TMEM156: variants seen among roughly 807,000 people sequenced by gnomAD.
The protein encoded by TMEM156 is transmembrane protein 156.
In TMEM156, 28 loss-of-function variants were observed where a neutral mutation model predicts 30.5. The observed-to-expected ratio is 0.92, with a 90% CI of 0.68 to 1.26. The LOEUF (loss-of-function observed/expected upper bound fraction) is 1.26, where lower values mean the gene tolerates loss of function less well. Among genes scored for constraint, TMEM156 ranks in the 50% most tolerant of loss-of-function variants. TMEM156 has a pLI of 0.00. For synonymous variants in TMEM156, 137 were observed against 119.9 expected, an observed-to-expected ratio of 1.14 and a Z score of -0.93; for missense variants, 351 against 340.6, an observed-to-expected ratio of 1.03 and a Z score of -0.24.
At chr4:39,016,497 G>A (rs969499194) in intron 1 of TMEM156, among the ~76,000 whole-genome samples, 6 of 151,582 alleles carry the variant, frequency 4.0e-5, no homozygotes, top group Non-Finnish European at 7.4e-5. Context: ...TTACTTTCTG[G>A]GTTTATCTTA....
At chr4:38,969,184 A>G (rs193075142) in intron 6 of TMEM156, among the ~76,000 whole-genome samples, 1 of 152,136 alleles carries the variant, frequency 6.6e-6, no homozygotes, top group East Asian at 1.9e-4. Context: ...GTACATTTGT[A>G]CCCTTTAACC....
rs1174268367 is a variant in TMEM156 at position 38,998,760 on chromosome 4, A to G, written c.238T>C (p.Phe80Leu). The G allele has an allele frequency of 6.2e-7, 1 of 1,613,778 alleles. No individual in the cohort carries two copies. The highest frequency in any genetic ancestry group is 1.7e-5 in the Admixed American group (1 of 59,972). Residue 80 changes from phenylalanine to leucine, a missense_variant, in exon 2 of 7, where the codon TTT becomes CTT. Phe to Leu is a conservative substitution (Grantham distance 22, BLOSUM62 0). Transcript: ENST00000381938. ...IMRIFLNPSN[F>L]RNFTRTCQDI... ...TGGCAAGTCCTGGTGAAGTTACGAA[A>G]ATTGGAGGGATTTAGAAAGATTCTC...
intron 2 of TMEM156, among the ~76,000 whole-genome samples, chr4:38,997,563 T>A (rs1341639676): frequency 6.6e-6 from 1 of 152,214 alleles, no homozygotes; most frequent in Non-Finnish European, 1.5e-5. Flanking sequence ...TATCTAGTGA[T>A]AAGGAGGCAA....
chr4:39,004,687 T>C (rs529563382), intron 1 of TMEM156, among the ~76,000 whole-genome samples: 1 of 152,282 alleles, frequency 6.6e-6, no homozygotes, highest in South Asian at 2.1e-4. Context: ...TACTATAATT[T>C]ATTTATTCAT....
intron 3 of TMEM156, among the ~76,000 whole-genome samples, chr4:38,990,837 T>TTTTTTGTTTTGTTTTG (rs1560365352): frequency 7.7e-6 from 1 of 129,180 alleles, no homozygotes; most frequent in Non-Finnish European, 1.7e-5. Context: ...CTGGTTTTTT[T>TTTTTTGTTTTGTTTTG]TTTTTTTTTT....
At chr4:38,984,102 G>A (rs1711779411) in intron 5 of TMEM156, among the ~76,000 whole-genome samples, 1 of 152,204 alleles carries the variant, frequency 6.6e-6, no homozygotes. Context: ...TCAAAGCAAG[G>A]AGGAAAATAT....
chr4:39,005,315 G>C (rs529220769), intron 1 of TMEM156, among the ~76,000 whole-genome samples: 1 of 152,126 alleles, frequency 6.6e-6, no homozygotes, highest in East Asian at 1.9e-4. Flanking sequence ...CTGGATCATG[G>C]GTTAGTTTCC....
At chr4:39,030,327 A>C (rs1470726089) in intron 1 of TMEM156, among the ~76,000 whole-genome samples, 1 of 152,190 alleles carries the variant, frequency 6.6e-6, no homozygotes, top group Non-Finnish European at 1.5e-5. Flanking sequence ...TTTGAAAGCA[A>C]GAGAACAAAC....
At chr4:38,988,097 GTCCTGAT>G in intron 4 of TMEM156, among the ~76,000 whole-genome samples, 1 of 152,210 alleles carries the variant, frequency 6.6e-6, no homozygotes, top group South Asian at 2.1e-4. Flanking sequence ...TGCTCCTACT[GTCCTGAT>G]TCCTAATTTC....
chr4:39,004,018 G>T lies in TMEM156; in HGVS notation c.89-5109C>A, dbSNP rs538475529. On this transcript the variant is annotated intron_variant, in intron 1 of 6. Transcript: ENST00000381938. Reference sequence around the variant, plus strand: ...AGCTTTAAATAATTGAATTGGAAAAGAAATAAATAGAAGACACATCCTTCC... The same window carrying T: ...AGCTTTAAATAATTGAATTGGAAAATAAATAAATAGAAGACACATCCTTCC... 1.4e-3 allele frequency among the ~76,000 whole-genome samples: 212 copies of T among 152,208 alleles called. 1 individual carries two copies. The highest frequency in any genetic ancestry group is 4.9e-3 in the African/African-American group (205 of 41,526).
chr4:39,022,870 C>T (rs747619955), intron 1 of TMEM156, among the ~76,000 whole-genome samples: 16 of 152,110 alleles, frequency 1.1e-4, no homozygotes, highest in Non-Finnish European at 1.9e-4. Flanking sequence ...GTTATTAATT[C>T]AGTATATTAA....
intron 1 of TMEM156, among the ~76,000 whole-genome samples, chr4:39,025,686 C>G (rs1324934700): frequency 6.6e-6 from 1 of 152,122 alleles, no homozygotes; most frequent in Non-Finnish European, 1.5e-5. Context: ...GCTCATTTTA[C>G]TTGTCAAAAT....
chr4:39,000,612 C>G (rs541523122), intron 1 of TMEM156, among the ~76,000 whole-genome samples: 3 of 152,100 alleles, frequency 2.0e-5, no homozygotes, highest in African/African-American at 4.8e-5. Context: ...CCAGGCCAGG[C>G]GCAGTGGCTC....
At chr4:38,999,744 G>A (rs929032380) in intron 1 of TMEM156, among the ~76,000 whole-genome samples, 7 of 152,294 alleles carry the variant, frequency 4.6e-5, no homozygotes, top group Non-Finnish European at 8.8e-5. Context: ...TCTGGTGGCT[G>A]CTGGCATTCC....
At chr4:39,005,398 T>A (rs1360096391) in intron 1 of TMEM156, among the ~76,000 whole-genome samples, 2 of 152,196 alleles carry the variant, frequency 1.3e-5, no homozygotes, top group African/African-American at 2.4e-5. Context: ...CTTCCCTCTT[T>A]GCTCTCCCTT....
intron 1 of TMEM156, among the ~76,000 whole-genome samples, chr4:39,023,584 T>A (rs1428891567): frequency 2.0e-5 from 3 of 152,236 alleles, no homozygotes; most frequent in Non-Finnish European, 2.9e-5. Flanking sequence ...GGCTCACGCC[T>A]GTAATCCCAG....
chr4:38,977,249 A>G (rs529984756), intron 5 of TMEM156, among the ~76,000 whole-genome samples: 2 of 152,216 alleles, frequency 1.3e-5, no homozygotes, highest in South Asian at 2.1e-4. Flanking sequence ...GAGCCTATTC[A>G]TGAAACTAAA....
intron 5 of TMEM156, among the ~76,000 whole-genome samples, chr4:38,983,236 G>A (rs574249749): frequency 1.3e-5 from 2 of 152,160 alleles, no homozygotes; most frequent in South Asian, 4.2e-4. Flanking sequence ...GTTTCTGTGG[G>A]CTACCTACTG....
chr4:38,984,481 C>CAT (rs1323416990), intron 5 of TMEM156, among the ~76,000 whole-genome samples: 1 of 151,804 alleles, frequency 6.6e-6, no homozygotes, highest in African/African-American at 2.4e-5. Flanking sequence ...GAATGTGACA[C>CAT]AGTCACCACC....
Sources: allele counts gnomAD v4.1 joint callset (sites outside exome capture counted in the v4.1 genomes callset), GRCh38; gene constraint gnomAD v4.1.1; transcripts MANE v1.5; gene names NCBI Gene and HGNC (gene_info 2026-07-23, HGNC 2026-07-21).